The following NELL1 variants were observed in gnomAD, a reference collection of about 807,000 sequenced individuals.
NELL1 encodes the protein protein kinase C-binding protein NELL1.
NELL1 carries 76 observed loss-of-function variants against 107.4 expected under a neutral mutation model. The ratio of observed to expected loss-of-function variants is 0.71; its 90% CI spans 0.59 to 0.86. The LOEUF (loss-of-function observed/expected upper bound fraction) is 0.86, where lower values mean the gene tolerates loss of function less well. Ranked by LOEUF, NELL1 falls within the 40% of genes least tolerant of loss-of-function variation. The pLI, the probability that NELL1 is intolerant of heterozygous loss-of-function variation, is 0.00. For synonymous variants in NELL1, 353 were observed against 341.2 expected (o/e 1.03, Z -0.38); for missense variants, 1,024 against 1,005.5 (o/e 1.02, Z -0.25).
At chr11:21,340,342 T>A (rs1325392490) in intron 14 of NELL1, among the ~76,000 whole-genome samples, 1 of 152,040 alleles carries the variant, frequency 6.6e-6, no homozygotes, top group Non-Finnish European at 1.5e-5. Flanking sequence ...TTAGTAGAGA[T>A]GGTGTTTCAC....
chr11:21,121,178 G>C (rs966302068), intron 13 of NELL1, among the ~76,000 whole-genome samples: 1 of 152,178 alleles, frequency 6.6e-6, no homozygotes, highest in South Asian at 2.1e-4. Flanking sequence ...AACAGAGAGG[G>C]TTGGAGTATG....
At chr11:20,792,508 C>G (rs1857094948) in intron 3 of NELL1, among the ~76,000 whole-genome samples, 1 of 151,860 alleles carries the variant, frequency 6.6e-6, no homozygotes, top group Non-Finnish European at 1.5e-5. Flanking sequence ...CTTTATCTAT[C>G]TAGTCATCAT....
At chr11:21,528,072 A>G (rs10833557) in intron 15 of NELL1, among the ~76,000 whole-genome samples, 52,232 of 152,038 alleles carry the variant, frequency 0.34, 10,763 homozygotes, top group Non-Finnish European at 0.47. Flanking sequence ...AGAGGCCATA[A>G]ATGCACAGTC....
rs1591009056 is a variant in NELL1, at chr11:21,528,520, C to CCA, written c.1646-5853_1646-5852insAC. 8.8e-4 allele frequency among the ~76,000 whole-genome samples: 5 copies of CCA among 5,668 alleles called. No individual in the cohort carries two copies. The South Asian group carries it at 0.042, about 47-fold the overall frequency. 3.7% of individuals were successfully genotyped at this position (5,668 alleles called of 152,430 possible). On this transcript the variant is annotated intron_variant, in intron 15 of 19. Coordinates refer to ENST00000357134, the MANE Select transcript of NELL1 (RefSeq NM_006157.5). Reference sequence around the variant, plus strand: ...CTCTTTGCACATACCCACCCCCCCCCCCTTTTTTTTTTTCCACAATGACTT... The same window carrying CCA: ...CTCTTTGCACATACCCACCCCCCCCCCACCTTTTTTTTTTTCCACAATGACTT...
intron 14 of NELL1, among the ~76,000 whole-genome samples, chr11:21,255,751 A>C (rs1238627661): frequency 2.6e-5 from 4 of 151,976 alleles, no homozygotes; most frequent in Non-Finnish European, 4.4e-5. Context: ...AGACATACCC[A>C]ATTCATTCAG....
chr11:20,749,044 A>G (rs1856073737), intron 2 of NELL1, among the ~76,000 whole-genome samples: 2 of 151,902 alleles, frequency 1.3e-5, no homozygotes, highest in South Asian at 4.1e-4. Context: ...AAAGCAGACA[A>G]AACCTCTACT....
rs768385951 is a variant in NELL1, at chr11:20,755,232, GA to G, written c.185-28446del. Among the ~76,000 whole-genome samples the G allele has an allele frequency of 5.2e-4, 79 of 152,262 alleles. 1 individual carries two copies. Among genetic ancestry groups the G allele is most frequent in the Non-Finnish European group, 9.9e-4 (67 of 68,018 alleles). On this transcript the variant is annotated intron_variant, in intron 2 of 19. Transcript: ENST00000357134. ...GGTAAAAACCCAGCTCATTTTGACT[GA>G]AGCAGGCAGAAAACTAGCTGAGAGA...
rs949558719 is a variant in NELL1 at position 21,044,555 on chromosome 11, G to C, written c.1301-69034G>C. On this transcript the variant is annotated intron_variant, in intron 12 of 19. Coordinates refer to ENST00000357134, the MANE Select transcript of NELL1 (RefSeq NM_006157.5). ...TGATGTTTTAAGATGAGCGATACCAGAGCATGTATATAAGTGAATGGGAAA... is the reference window on the plus strand; with the variant it reads ...TGATGTTTTAAGATGAGCGATACCACAGCATGTATATAAGTGAATGGGAAA... Among the ~76,000 whole-genome samples, 7 of 152,118 alleles carry C rather than the reference G, an allele frequency of 4.6e-5. No individual in the cohort carries two copies. The South Asian group carries it at 1.5e-3, about 32-fold the overall frequency.
intron 1 of NELL1, among the ~76,000 whole-genome samples, chr11:20,670,244 G>A (rs1057261435): frequency 6.6e-6 from 1 of 152,136 alleles, no homozygotes; most frequent in African/African-American, 2.4e-5. Context: ...GCCGGGGCCC[G>A]GGAGGGCGCG....
intron 13 of NELL1, among the ~76,000 whole-genome samples, chr11:21,180,606 A>G (rs1223624030): frequency 6.6e-6 from 1 of 151,732 alleles, no homozygotes; most frequent in African/African-American, 2.4e-5. Context: ...TTCAATTTGA[A>G]GGGAGATTTT....
At chr11:20,840,363 CT>C (rs1190811617) in intron 3 of NELL1, among the ~76,000 whole-genome samples, 1 of 152,168 alleles carries the variant, frequency 6.6e-6, no homozygotes, top group Non-Finnish European at 1.5e-5. Context: ...TACCCCAAAA[CT>C]TTTGCTCACA....
chr11:21,404,011 C>A lies in NELL1; in HGVS notation c.1645+33063C>A, dbSNP rs868041343. 7.1e-3 allele frequency among the ~76,000 whole-genome samples: 777 copies of A among 109,560 alleles called. 24 individuals are homozygous for A. Among genetic ancestry groups the A allele is most frequent in the South Asian group, 0.055 (127 of 2,312 alleles). The allele number at this position is 109,560 out of a possible 152,430, so 71.9% of individuals were successfully genotyped here. A position where few individuals can be genotyped will look rare whatever the true frequency, so the allele number is the denominator to read the frequency against. ...ATATCTCTGTCATTCCTGAACCCCC[C>A]CCCCCGCAATCAAAACCACTGGATA... On this transcript the variant is annotated intron_variant, in intron 15 of 19. Transcript: ENST00000357134.
chr11:20,705,068 G>A (rs866489987), intron 2 of NELL1, among the ~76,000 whole-genome samples: 4 of 152,056 alleles, frequency 2.6e-5, no homozygotes, highest in African/African-American at 4.8e-5. Context: ...AATCAATATC[G>A]TGAAAATGGC....
intron 13 of NELL1, among the ~76,000 whole-genome samples, chr11:21,172,982 G>GA (rs1277488711): frequency 6.6e-6 from 1 of 151,420 alleles, no homozygotes; most frequent in Non-Finnish European, 1.5e-5. Flanking sequence ...CTTTATCTCT[G>GA]AAAACCTAGG....
At chr11:21,503,147 C>T (rs1028442847) in intron 15 of NELL1, among the ~76,000 whole-genome samples, 4 of 152,170 alleles carry the variant, frequency 2.6e-5, no homozygotes, top group African/African-American at 9.6e-5. Flanking sequence ...TCCCAAAGTG[C>T]CGGGACTACA....
intron 4 of NELL1, among the ~76,000 whole-genome samples, chr11:20,848,889 T>C (rs1848748102): frequency 1.3e-5 from 2 of 152,210 alleles, no homozygotes; most frequent in South Asian, 4.1e-4. Flanking sequence ...CATTTTGATA[T>C]GACCTATTTA....
intron 2 of NELL1, among the ~76,000 whole-genome samples, chr11:20,691,966 G>A (rs1409407536): frequency 2.0e-5 from 3 of 152,136 alleles, no homozygotes; most frequent in Admixed American, 6.6e-5. Flanking sequence ...TTCAGATCCT[G>A]TTATTGGTCT....
intron 13 of NELL1, among the ~76,000 whole-genome samples, chr11:21,190,028 A>C (rs904548542): frequency 1.3e-5 from 2 of 151,792 alleles, no homozygotes; most frequent in African/African-American, 4.9e-5. Context: ...CACAAGACAC[A>C]AGTTTCACCC....
intron 2 of NELL1, among the ~76,000 whole-genome samples, chr11:20,692,641 G>A (rs1854499202): frequency 6.6e-6 from 1 of 151,594 alleles, no homozygotes; most frequent in Non-Finnish European, 1.5e-5. Flanking sequence ...TTACACTGTG[G>A]TCTGAGAGAC....
Sources: allele counts gnomAD v4.1 joint callset (sites outside exome capture counted in the v4.1 genomes callset), GRCh38; gene constraint gnomAD v4.1.1; transcripts MANE v1.5; gene names NCBI Gene and HGNC (gene_info 2026-07-23, HGNC 2026-07-21).